The following FAF1 variants were observed in gnomAD, a reference collection of about 807,000 sequenced individuals.
The protein encoded by FAF1 is Fas associated factor 1.
A neutral mutation model predicts 92.5 loss-of-function variants in FAF1; 25 were observed. That is an observed-to-expected ratio of 0.27 (90% confidence interval 0.20 to 0.38). The LOEUF (loss-of-function observed/expected upper bound fraction) is 0.38, where lower values mean the gene tolerates loss of function less well. Ranked by LOEUF, FAF1 falls within the 10% of genes least tolerant of loss-of-function variation. FAF1 has a pLI of 1.00. For synonymous variants in FAF1, 234 were observed against 273.2 expected (o/e 0.86, Z 1.42); for missense variants, 636 against 793.3 (o/e 0.80, Z 2.38).
Position 50,629,093 on chromosome 1 carries a change from A to T in FAF1, c.744+26349T>A, listed in dbSNP as rs185950648. Among the ~76,000 whole-genome samples the T allele has an allele frequency of 4.5e-3, 676 of 150,912 alleles. 4 individuals carry two copies. Among genetic ancestry groups the T allele is most frequent in the African/African-American group, 0.013 (551 of 41,026 alleles). Reference sequence around the variant, plus strand: ...TAATAAATATTTTTAAGTGATATCTATTATTGTTATTCCCAGAGAGGCATG... The same window carrying T: ...TAATAAATATTTTTAAGTGATATCTTTTATTGTTATTCCCAGAGAGGCATG... On this transcript the variant is annotated intron_variant, in intron 8 of 18. Coordinates refer to ENST00000396153, the MANE Select transcript of FAF1 (RefSeq NM_007051.3).
At chr1:50,802,618 G>T (rs1471872567) in intron 2 of FAF1, among the ~76,000 whole-genome samples, 1 of 152,186 alleles carries the variant, frequency 6.6e-6, no homozygotes, top group Non-Finnish European at 1.5e-5. Flanking sequence ...AGGCTATTAA[G>T]CAAGCAGGCT....
At chr1:50,803,119 C>T (rs1001903327) in intron 2 of FAF1, among the ~76,000 whole-genome samples, 3 of 152,124 alleles carry the variant, frequency 2.0e-5, no homozygotes, top group African/African-American at 7.2e-5. Context: ...TTTTCAAAGA[C>T]ACAAATTCAG....
chr1:50,927,037 C>G (rs527408152), intron 1 of FAF1, among the ~76,000 whole-genome samples: 94 of 152,198 alleles, frequency 6.2e-4, no homozygotes, highest in African/African-American at 2.2e-3. Flanking sequence ...AATAATTCCA[C>G]GTCTATAAGT....
chr1:50,929,048 G>A (rs900165794), intron 1 of FAF1, among the ~76,000 whole-genome samples: 1 of 146,080 alleles, frequency 6.8e-6, no homozygotes, highest in African/African-American at 2.5e-5. Flanking sequence ...CCCCAGCCTG[G>A]GTGACATAGC....
At chr1:50,645,461 C>G (rs533411736) in intron 8 of FAF1, among the ~76,000 whole-genome samples, 1 of 152,284 alleles carries the variant, frequency 6.6e-6, no homozygotes, top group Admixed American at 6.5e-5. Flanking sequence ...TTTTGTGGGC[C>G]ACATGGTCTT....
At chr1:50,807,399 GGGAAGCAAGCACATCTTCACAT>G (rs1662248248) in intron 2 of FAF1, among the ~76,000 whole-genome samples, 1 of 152,206 alleles carries the variant, frequency 6.6e-6, no homozygotes, top group Non-Finnish European at 1.5e-5. Context: ...TAGGGCGAAG[GGGAAGCAAGCACATCTTCACAT>G]GGCAGCAGGA....
At chr1:50,686,892 G>T (rs1278217560) in intron 7 of FAF1, among the ~76,000 whole-genome samples, 1 of 151,986 alleles carries the variant, frequency 6.6e-6, no homozygotes, top group Admixed American at 6.6e-5. Context: ...GCAGTGGCGC[G>T]ATCTTGGCTC....
chr1:50,618,514 C>T (rs945187532), intron 8 of FAF1, among the ~76,000 whole-genome samples: 1 of 147,484 alleles, frequency 6.8e-6, no homozygotes, highest in Non-Finnish European at 1.5e-5. Context: ...CAGGCTGCCT[C>T]GGCCTCCCAA....
intron 15 of FAF1, among the ~76,000 whole-genome samples, chr1:50,526,725 T>C (rs1223485317): frequency 1.3e-5 from 2 of 152,184 alleles, no homozygotes; most frequent in African/African-American, 4.8e-5. Flanking sequence ...GATTACATGG[T>C]AACTACATTT....
At chr1:50,814,837 T>C (rs1388135068) in intron 2 of FAF1, among the ~76,000 whole-genome samples, 2 of 152,170 alleles carry the variant, frequency 1.3e-5, no homozygotes, top group African/African-American at 4.8e-5. Flanking sequence ...CCCATTAGGA[T>C]GGCTACTATC....
At chr1:50,687,941 T>C (rs1467102218) in intron 7 of FAF1, among the ~76,000 whole-genome samples, 2 of 151,544 alleles carry the variant, frequency 1.3e-5, no homozygotes, top group Non-Finnish European at 2.9e-5. Context: ...CGAGACCATC[T>C]TGGCTAACAC....
intron 1 of FAF1, among the ~76,000 whole-genome samples, chr1:50,951,079 A>T (rs560209283): frequency 1.3e-5 from 2 of 152,316 alleles, no homozygotes; most frequent in South Asian, 2.1e-4. Context: ...AAAAATATTT[A>T]AAAAGTTAGC....
chr1:50,685,667 C>T (rs1419119286), intron 7 of FAF1, among the ~76,000 whole-genome samples: 1 of 152,156 alleles, frequency 6.6e-6, no homozygotes, highest in East Asian at 1.9e-4. Flanking sequence ...TCTTGTTCAG[C>T]TTTATGTGTA....
chr1:50,893,566 T>G (rs1416713457), intron 1 of FAF1, among the ~76,000 whole-genome samples: 1 of 152,102 alleles, frequency 6.6e-6, no homozygotes, highest in Non-Finnish European at 1.5e-5. Context: ...CTGTACTGAG[T>G]TGCTTGGAGC....
chr1:50,937,397 T>G (rs1490787187), intron 1 of FAF1, among the ~76,000 whole-genome samples: 1 of 151,990 alleles, frequency 6.6e-6, no homozygotes, highest in Admixed American at 6.6e-5. Context: ...ATAGTTGCCT[T>G]CATATGGTGG....
At chr1:50,656,006 TG>T (rs1655092015) in intron 7 of FAF1, among the ~76,000 whole-genome samples, 2 of 152,162 alleles carry the variant, frequency 1.3e-5, no homozygotes. Context: ...ATATTTTTTA[TG>T]TAAGTTTCAA....
intron 8 of FAF1, among the ~76,000 whole-genome samples, chr1:50,628,120 TG>T (rs1273921190): frequency 2.6e-5 from 4 of 152,100 alleles, no homozygotes; most frequent in Non-Finnish European, 5.9e-5. Context: ...TCTGTGTGTG[TG>T]TATGCGTGTG....
chr1:50,843,917 G>T (rs909036960), intron 2 of FAF1, among the ~76,000 whole-genome samples: 2 of 152,050 alleles, frequency 1.3e-5, no homozygotes, highest in African/African-American at 4.8e-5. Context: ...GAATTGCTGG[G>T]TATATGGCAG....
At chr1:50,940,234 C>T (rs985406871) in intron 1 of FAF1, among the ~76,000 whole-genome samples, 1 of 152,038 alleles carries the variant, frequency 6.6e-6, no homozygotes, top group African/African-American at 2.4e-5. Flanking sequence ...TTTCTTAAAA[C>T]CCAGTAAGTA....
Sources: gnomAD v4.1 joint callset for allele counts (sites outside exome capture counted in the v4.1 genomes callset) on GRCh38, gnomAD v4.1.1 for gene constraint, MANE v1.5 for transcripts, NCBI Gene and HGNC (gene_info 2026-07-23, HGNC 2026-07-21) for gene names.